Variants in MACROD2 observed in about 807,000 individuals in gnomAD.
The protein encoded by MACROD2 is mono-ADP ribosylhydrolase 2.
In MACROD2, 36 loss-of-function variants were observed where a neutral mutation model predicts 70.4. The observed-to-expected ratio is 0.51, with a 90% CI of 0.39 to 0.68. The LOEUF is 0.68. Among genes scored for constraint, MACROD2 ranks in the 30% least tolerant of loss-of-function variants. MACROD2 has a pLI of 0.00. For synonymous variants in MACROD2, 172 were observed against 178.8 expected, an observed-to-expected ratio of 0.96 and a Z score of 0.30; for missense variants, 496 against 538.4, an observed-to-expected ratio of 0.92 and a Z score of 0.78.
intron 3 of MACROD2, among the ~76,000 whole-genome samples, chr20:14,258,639 T>A (rs190735247): frequency 2.6e-5 from 4 of 152,278 alleles, no homozygotes; most frequent in Admixed American, 2.6e-4. Context: ...AGCTTGCGAA[T>A]ATTTTCTCCC....
chr20:16,049,588 G>GC (rs2067430793), intron 17 of MACROD2, among the ~76,000 whole-genome samples: 1 of 152,166 alleles, frequency 6.6e-6, no homozygotes, highest in Admixed American at 6.6e-5. Flanking sequence ...GTCCCCATCA[G>GC]CCAAAGCTCG....
At chr20:15,619,920 A>G (rs2049100838) in intron 8 of MACROD2, 1 of 152,972 alleles carries the variant, frequency 6.5e-6, no homozygotes, top group South Asian at 2.1e-4. Context: ...ACATCCTGCG[A>G]TGCTGCTTTG....
chr20:14,532,633 A>G (rs967315307), intron 4 of MACROD2, among the ~76,000 whole-genome samples: 1 of 152,136 alleles, frequency 6.6e-6, no homozygotes, highest in Non-Finnish European at 1.5e-5. Flanking sequence ...GTTAGTTTTC[A>G]TTAGCAGTTT....
chr20:14,838,386 A>T (rs1427579236), intron 5 of MACROD2, among the ~76,000 whole-genome samples: 1 of 152,148 alleles, frequency 6.6e-6, no homozygotes, highest in East Asian at 1.9e-4. Context: ...TTATGTTCAT[A>T]TTGAAAGTCA....
chr20:15,354,736 T>C (rs12053601), intron 6 of MACROD2, among the ~76,000 whole-genome samples: 2 of 152,092 alleles, frequency 1.3e-5, no homozygotes, highest in African/African-American at 4.8e-5. Flanking sequence ...GAGGAATAAG[T>C]TACTTTCACT....
intron 5 of MACROD2, among the ~76,000 whole-genome samples, chr20:14,873,191 A>C (rs1249674578): frequency 6.6e-6 from 1 of 152,224 alleles, no homozygotes; most frequent in Non-Finnish European, 1.5e-5. Flanking sequence ...CACAGAATGT[A>C]GTAAAAGTTC....
chr20:14,540,905 T>C (rs904162473), intron 4 of MACROD2, among the ~76,000 whole-genome samples: 2 of 152,206 alleles, frequency 1.3e-5, no homozygotes, highest in African/African-American at 4.8e-5. Context: ...ATTCTTCATA[T>C]AGATTCCATT....
intron 4 of MACROD2, among the ~76,000 whole-genome samples, chr20:14,564,144 G>A (rs139011049): frequency 0.014 from 2,142 of 152,026 alleles, 58 homozygotes; most frequent in African/African-American, 0.049. Context: ...AGAACCGTAT[G>A]CAGAAGAATG....
At chr20:14,261,990 A>G (rs2082105211) in intron 3 of MACROD2, among the ~76,000 whole-genome samples, 2 of 152,198 alleles carry the variant, frequency 1.3e-5, no homozygotes, top group African/African-American at 4.8e-5. Flanking sequence ...AGATAAAAGA[A>G]AGCAAAGCTA....
intron 8 of MACROD2, among the ~76,000 whole-genome samples, chr20:15,687,570 C>T (rs1395429562): frequency 6.6e-6 from 1 of 152,128 alleles, no homozygotes; most frequent in African/African-American, 2.4e-5. Flanking sequence ...TCTGAATCTT[C>T]CTCAAACAGA....
rs71190160 is a variant in MACROD2 at position 14,862,616 on chromosome 20, AAT to A, written c.418+177669_418+177670del. Among the ~76,000 whole-genome samples the A allele has an allele frequency of 6.1e-3, 117 of 19,308 alleles. 10 individuals are homozygous for A. Among genetic ancestry groups the A allele is most frequent in the African/African-American group, 0.018 (102 of 5,702 alleles). 12.7% of individuals were successfully genotyped at this position (19,308 alleles called of 152,430 possible). On this transcript the variant is annotated intron_variant, in intron 5 of 17. Coordinates refer to ENST00000684519, the MANE Select transcript of MACROD2 (RefSeq NM_001351661.2). Reference sequence around the variant, plus strand: ...ATATATATAAATATAAATATATATAAATATATATATATAAATATATATATAAA... The same window carrying A: ...ATATATATAAATATAAATATATATAAATATATATATAAATATATATATAAA...
At chr20:14,299,033 A>G (rs1229278367) in intron 3 of MACROD2, among the ~76,000 whole-genome samples, 1 of 152,200 alleles carries the variant, frequency 6.6e-6, no homozygotes. Flanking sequence ...ATATAAACTT[A>G]GTTGATAAAA....
At chr20:15,618,197 T>G (rs935926666) in intron 8 of MACROD2, among the ~76,000 whole-genome samples, 24 of 140,506 alleles carry the variant, frequency 1.7e-4, no homozygotes, top group African/African-American at 6.2e-4. Flanking sequence ...TCCCCACAAC[T>G]CACTGCCCTC....
chr20:15,814,443 G>C (rs1600935247), intron 8 of MACROD2, among the ~76,000 whole-genome samples: 1 of 152,120 alleles, frequency 6.6e-6, no homozygotes, highest in Admixed American at 6.5e-5. Context: ...ACATCTCAGA[G>C]CTTCTCTGTA....
chr20:15,010,869 C>T (rs891830870), intron 5 of MACROD2, among the ~76,000 whole-genome samples: 1 of 152,130 alleles, frequency 6.6e-6, no homozygotes. Context: ...CCTAAGAGCA[C>T]TATGAGTTGG....
At chr20:14,157,761 A>T (rs1419698552) in intron 3 of MACROD2, among the ~76,000 whole-genome samples, 1 of 152,110 alleles carries the variant, frequency 6.6e-6, no homozygotes, top group Non-Finnish European at 1.5e-5. Flanking sequence ...ACATAATTTC[A>T]TTCTTTGTTA....
intron 3 of MACROD2, among the ~76,000 whole-genome samples, chr20:14,179,404 G>T (rs78931672): frequency 0.04 from 6,088 of 152,064 alleles, 336 homozygotes; most frequent in African/African-American, 0.12. Flanking sequence ...GATTATTCTT[G>T]TGCCCTTGCT....
At chr20:14,577,364 CT>C (rs1980667849) in intron 4 of MACROD2, among the ~76,000 whole-genome samples, 1 of 152,190 alleles carries the variant, frequency 6.6e-6, no homozygotes, top group Non-Finnish European at 1.5e-5. Context: ...TTAAGAATTA[CT>C]TTCCTCTTGT....
At chr20:15,952,651 A>G (rs780211884) in intron 12 of MACROD2, among the ~76,000 whole-genome samples, 5 of 152,138 alleles carry the variant, frequency 3.3e-5, no homozygotes, top group Admixed American at 1.3e-4. Flanking sequence ...GTCCATGGTC[A>G]AAGCCCCTCC....
Sources: gnomAD v4.1 joint callset for allele counts (sites outside exome capture counted in the v4.1 genomes callset) on GRCh38, gnomAD v4.1.1 for gene constraint, MANE v1.5 for transcripts, NCBI Gene and HGNC (gene_info 2026-07-23, HGNC 2026-07-21) for gene names.